The following LRP1B variants were observed in gnomAD, a reference collection of about 807,000 sequenced individuals.
LRP1B encodes LDL receptor related protein 1B.
In LRP1B, 217 loss-of-function variants were observed where a neutral mutation model predicts 556.6. That is an observed-to-expected ratio of 0.39 (90% CI 0.35 to 0.44). LRP1B has a LOEUF of 0.44. Ranked by LOEUF, LRP1B falls within the 20% of genes least tolerant of loss-of-function variation. LRP1B has a pLI of 1.00. For missense variants in LRP1B, 5,053 were observed against 5,620.8 expected (o/e 0.90, Z 3.23); for synonymous variants, 2,047 against 1,865.8 (o/e 1.10, Z -2.50).
intron 1 of LRP1B, among the ~76,000 whole-genome samples, chr2:141,831,313 G>A (rs577264603): frequency 6.6e-6 from 1 of 151,756 alleles, no homozygotes; most frequent in African/African-American, 2.4e-5. Context: ...TCAGATCTTT[G>A]TTGTAGACAT....
At chr2:141,030,587 G>C (rs1226764216) in intron 11 of LRP1B, among the ~76,000 whole-genome samples, 1 of 152,012 alleles carries the variant, frequency 6.6e-6, no homozygotes, top group Non-Finnish European at 1.5e-5. Context: ...CTGGGGATAG[G>C]AGTGCATTGC....
At chr2:141,759,611 T>C (rs1010194500) in intron 2 of LRP1B, among the ~76,000 whole-genome samples, 3 of 152,148 alleles carry the variant, frequency 2.0e-5, no homozygotes, top group African/African-American at 7.2e-5. Context: ...CGCTAAATCA[T>C]TGAACAGATA....
chr2:141,744,313 C>G (rs1237201206), intron 2 of LRP1B, among the ~76,000 whole-genome samples: 1 of 152,026 alleles, frequency 6.6e-6, no homozygotes, highest in Non-Finnish European at 1.5e-5. Context: ...TATTATTCCT[C>G]TAGTTATATT....
chr2:141,480,332 T>C, intron 3 of LRP1B, 64 bp downstream of exon 3: 1 of 1,572,596 alleles, frequency 6.4e-7, no homozygotes, highest in Non-Finnish European at 8.7e-7. Context: ...ATAGGTTTTC[T>C]TTGAACTTTC....
At chr2:140,840,460 A>G (rs1692066244) in intron 30 of LRP1B, among the ~76,000 whole-genome samples, 1 of 152,172 alleles carries the variant, frequency 6.6e-6, no homozygotes, top group African/African-American at 2.4e-5. Flanking sequence ...CATTTCTTCC[A>G]TTGCTGTTGA....
intron 67 of LRP1B, among the ~76,000 whole-genome samples, chr2:140,382,355 A>G (rs771139048): frequency 9.8e-5 from 15 of 152,306 alleles, no homozygotes; most frequent in Non-Finnish European, 2.2e-4. Context: ...ATGTAAGGCT[A>G]TAAAGTAATT....
At chr2:141,728,007 G>C (rs1693106164) in intron 2 of LRP1B, among the ~76,000 whole-genome samples, 1 of 151,924 alleles carries the variant, frequency 6.6e-6, no homozygotes, top group African/African-American at 2.4e-5. Flanking sequence ...TTTCCCCAAA[G>C]GACAGTACTT....
In LRP1B at chr2:140,883,846, G is replaced by A. The variant is rs2105186746; in HGVS notation, c.4140C>T (p.Pro1380=). The A allele has an allele frequency of 6.2e-7, 1 of 1,613,930 alleles. No individual in the cohort carries two copies. Among genetic ancestry groups the A allele is most frequent in the Non-Finnish European group, 8.5e-7 (1 of 1,179,898 alleles). The change falls in exon 25 of 91, where the codon CCC becomes CCT. Residue 1380 remains proline (P), a synonymous_variant. Coordinates refer to ENST00000389484, the MANE Select transcript of LRP1B (RefSeq NM_018557.3). ...TTLIAGAMEH[P]RAIALDPRYG... ...ATCTTGGGTCCAAAGCAATGGCCCT[G>A]GGGTGTTCCATGGCTCCTGCTATTA...
chr2:141,810,192 C>T (rs1320152727), intron 2 of LRP1B, 87 bp downstream of exon 2: 9 of 1,177,800 alleles, frequency 7.6e-6, no homozygotes, highest in Non-Finnish European at 1.1e-5. Context: ...AAAGAATCAT[C>T]TAGAACAGCA....
intron 2 of LRP1B, among the ~76,000 whole-genome samples, chr2:141,797,188 A>ATAG: frequency 1.6e-5 from 1 of 62,900 alleles, no homozygotes; most frequent in South Asian, 4.2e-4. Context: ...TATATATATA[A>ATAG]CTATATATAT....
intron 6 of LRP1B, among the ~76,000 whole-genome samples, chr2:141,216,896 C>T (rs1184223231): frequency 6.6e-6 from 1 of 152,152 alleles, no homozygotes; most frequent in Non-Finnish European, 1.5e-5. Context: ...AAGGAAATAA[C>T]TTGCTTGATT....
intron 2 of LRP1B, among the ~76,000 whole-genome samples, chr2:141,607,308 T>C (rs1687951083): frequency 6.6e-6 from 1 of 152,194 alleles, no homozygotes; most frequent in Non-Finnish European, 1.5e-5. Flanking sequence ...CCTTTCACTT[T>C]GGTAAAAGCT....
intron 1 of LRP1B, among the ~76,000 whole-genome samples, chr2:141,885,928 G>A (rs964648323): frequency 1.3e-5 from 2 of 152,146 alleles, no homozygotes; most frequent in African/African-American, 4.8e-5. Context: ...GAATATATGT[G>A]CTCTGGTTTC....
intron 9 of LRP1B, among the ~76,000 whole-genome samples, chr2:141,057,064 C>T (rs1699196694): frequency 6.6e-6 from 1 of 151,698 alleles, no homozygotes; most frequent in South Asian, 2.1e-4. Context: ...TACTTCTTAC[C>T]ACTTTCACTG....
chr2:140,889,886 G>A (rs192187101), intron 23 of LRP1B, among the ~76,000 whole-genome samples: 29 of 152,146 alleles, frequency 1.9e-4, no homozygotes, highest in African/African-American at 5.5e-4. Context: ...ACTTGAACAC[G>A]TGTAAATGAA....
At chr2:141,500,083 T>C (rs970810850) in intron 2 of LRP1B, among the ~76,000 whole-genome samples, 1 of 152,102 alleles carries the variant, frequency 6.6e-6, no homozygotes, top group African/African-American at 2.4e-5. Context: ...TTTCTGCTCT[T>C]TTCTCCTGTA....
intron 41 of LRP1B, among the ~76,000 whole-genome samples, chr2:140,603,513 C>T (rs915892830): frequency 6.6e-6 from 1 of 152,074 alleles, no homozygotes; most frequent in African/African-American, 2.4e-5. Flanking sequence ...AAAATTTAAG[C>T]AAATGAGAAT....
chr2:141,770,675 C>G lies in LRP1B; in HGVS notation c.205+39604G>C, dbSNP rs374408267. Among the ~76,000 whole-genome samples the G allele has an allele frequency of 3.9e-4, 59 of 152,338 alleles. No individual in the cohort carries two copies. In the South Asian group the frequency reaches 0.012, roughly 30 times the overall value. Reference sequence around the variant, plus strand: ...TCAACAACCATCACCCTCCCCCAGCCTCTTGAAAGTAGATTGCAATGCCCA... The same window carrying G: ...TCAACAACCATCACCCTCCCCCAGCGTCTTGAAAGTAGATTGCAATGCCCA... On this transcript the variant is annotated intron_variant, in intron 2 of 90. Transcript: ENST00000389484.
chr2:141,644,038 GTGTGTGTGTGTGTA>G (rs1294497335), intron 2 of LRP1B, among the ~76,000 whole-genome samples: 1 of 151,300 alleles, frequency 6.6e-6, no homozygotes, highest in Non-Finnish European at 1.5e-5. Flanking sequence ...GTGTGTGTGT[GTGTGTGTGTGTGTA>G]TGTGAGTAAA....
Sources: allele counts gnomAD v4.1 joint callset (sites outside exome capture counted in the v4.1 genomes callset), GRCh38; gene constraint gnomAD v4.1.1; transcripts MANE v1.5; gene names NCBI Gene and HGNC (gene_info 2026-07-23, HGNC 2026-07-21).